The following HS2ST1 variants were observed in gnomAD, a reference collection of about 807,000 sequenced individuals.
The protein encoded by HS2ST1 is 2-O-sulfotransferase.
A neutral mutation model predicts 42.9 loss-of-function variants in HS2ST1; 18 were observed. The observed-to-expected ratio is 0.42, with a 90% CI of 0.29 to 0.62. The LOEUF (loss-of-function observed/expected upper bound fraction) is 0.62. HS2ST1 is among the 20% of genes least tolerant of loss of function. The pLI, the probability that HS2ST1 is intolerant of heterozygous loss-of-function variation, is 0.21. For synonymous variants in HS2ST1, 146 were observed against 152.9 expected (o/e 0.95, Z 0.33); for missense variants, 334 against 433.8 (o/e 0.77, Z 2.04).
At chr1:86,968,853 TA>T (rs1282847162) in intron 1 of HS2ST1, among the ~76,000 whole-genome samples, 16 of 152,346 alleles carry the variant, frequency 1.1e-4, no homozygotes, top group African/African-American at 3.6e-4. Context: ...TTAACTCTGT[TA>T]AAAATGAATG....
At chr1:87,013,528 G>A (rs1649663198) in intron 1 of HS2ST1, among the ~76,000 whole-genome samples, 1 of 152,206 alleles carries the variant, frequency 6.6e-6, no homozygotes, top group Admixed American at 6.5e-5. Flanking sequence ...GTGATGGGAG[G>A]GGCTGCCATG....
At chr1:87,022,665 C>T (rs1433503249) in intron 1 of HS2ST1, among the ~76,000 whole-genome samples, 1 of 152,048 alleles carries the variant, frequency 6.6e-6, no homozygotes, top group Non-Finnish European at 1.5e-5. Context: ...ACCTTTCTTA[C>T]CTATCATATT....
intron 1 of HS2ST1, chr1:87,045,522 A>C (rs1650630821): frequency 2.4e-6 from 2 of 844,842 alleles, no homozygotes; most frequent in Non-Finnish European, 4.2e-6. Context: ...GCTGGCACAT[A>C]TGTAACAATT....
chr1:87,055,382 G>A (rs1427011111), intron 1 of HS2ST1, among the ~76,000 whole-genome samples: 1 of 151,964 alleles, frequency 6.6e-6, no homozygotes, highest in African/African-American at 2.4e-5. Flanking sequence ...TTCCAATTCC[G>A]TCTTCTACTC....
intron 1 of HS2ST1, among the ~76,000 whole-genome samples, chr1:87,005,434 T>C (rs1649409385): frequency 6.6e-6 from 1 of 152,140 alleles, no homozygotes; most frequent in Non-Finnish European, 1.5e-5. Flanking sequence ...TAAATAAAGG[T>C]ATAGCCAGTG....
chr1:87,027,608 C>G (rs1273317527), intron 1 of HS2ST1, among the ~76,000 whole-genome samples: 1 of 152,118 alleles, frequency 6.6e-6, no homozygotes, highest in Non-Finnish European at 1.5e-5. Flanking sequence ...GGTTTGATAA[C>G]TGGTGGGAGT....
At chr1:87,013,238 C>T (rs1172904375) in intron 1 of HS2ST1, among the ~76,000 whole-genome samples, 1 of 152,228 alleles carries the variant, frequency 6.6e-6, no homozygotes, top group Non-Finnish European at 1.5e-5. Flanking sequence ...CTGTAGCACA[C>T]CTCTGCCTGG....
chr1:87,029,807 G>T (rs1431146825), intron 1 of HS2ST1, among the ~76,000 whole-genome samples: 1 of 152,126 alleles, frequency 6.6e-6, no homozygotes, highest in Non-Finnish European at 1.5e-5. Flanking sequence ...AGATGAGGAA[G>T]TCAAAGCTTC....
intron 1 of HS2ST1, among the ~76,000 whole-genome samples, chr1:87,059,345 G>A (rs1408979375): frequency 6.6e-6 from 1 of 152,148 alleles, no homozygotes; most frequent in African/African-American, 2.4e-5. Context: ...AACTTACTCA[G>A]TGTATTTTCC....
intron 1 of HS2ST1, among the ~76,000 whole-genome samples, chr1:86,928,231 G>A (rs1407132): frequency 2.0e-5 from 3 of 151,710 alleles, no homozygotes; most frequent in Non-Finnish European, 4.4e-5. Flanking sequence ...GGACATTATC[G>A]TAAGTTTTCA....
At chr1:87,067,851 C>T (rs1651293513) in intron 1 of HS2ST1, among the ~76,000 whole-genome samples, 1 of 152,130 alleles carries the variant, frequency 6.6e-6, no homozygotes, top group Non-Finnish European at 1.5e-5. Flanking sequence ...TTGTTTTTGT[C>T]AGGTTTGTCA....
At chr1:87,054,836 G>A (rs991481057) in intron 1 of HS2ST1, among the ~76,000 whole-genome samples, 1 of 152,150 alleles carries the variant, frequency 6.6e-6, no homozygotes, top group Non-Finnish European at 1.5e-5. Flanking sequence ...TGCATAAAAG[G>A]CTGTCTGCCA....
chr1:87,084,072 CTG>C, intron 2 of HS2ST1, 120 bp from the exon 3 acceptor site: 1 of 557,166 alleles, frequency 1.8e-6, no homozygotes, highest in Non-Finnish European at 3.1e-6. Flanking sequence ...TAGTCCAAAC[CTG>C]TGTTTCAAGC....
intron 1 of HS2ST1, among the ~76,000 whole-genome samples, chr1:86,917,723 T>G (rs2102149469): frequency 6.6e-6 from 1 of 152,334 alleles, no homozygotes; most frequent in Middle Eastern, 3.4e-3. Flanking sequence ...ACGCTGAGAT[T>G]TAGGTATTTG....
chr1:87,002,520 G>C (rs1649318645), intron 1 of HS2ST1, among the ~76,000 whole-genome samples: 2 of 151,730 alleles, frequency 1.3e-5, no homozygotes, highest in African/African-American at 4.8e-5. Flanking sequence ...ACCCAAGCCT[G>C]GGAGGTTGAG....
At chr1:87,049,580 G>A (rs1650782706) in intron 1 of HS2ST1, among the ~76,000 whole-genome samples, 3 of 151,934 alleles carry the variant, frequency 2.0e-5, no homozygotes, top group Admixed American at 6.6e-5. Flanking sequence ...CATTTCAAAT[G>A]TCTTTTCTGT....
At chr1:86,931,770 A>G (rs1409404596) in intron 1 of HS2ST1, among the ~76,000 whole-genome samples, 1 of 152,074 alleles carries the variant, frequency 6.6e-6, no homozygotes, top group African/African-American at 2.4e-5. Context: ...ACATAATTTA[A>G]CATCATGTTA....
intron 1 of HS2ST1, among the ~76,000 whole-genome samples, chr1:87,002,652 G>A (rs1649324058): frequency 1.3e-5 from 2 of 151,154 alleles, no homozygotes; most frequent in South Asian, 2.1e-4. Context: ...TTAAACCTCT[G>A]TGTCTCATTC....
At chr1:86,989,904 C>G (rs933812006) in intron 1 of HS2ST1, among the ~76,000 whole-genome samples, 2 of 151,760 alleles carry the variant, frequency 1.3e-5, no homozygotes, top group Middle Eastern at 3.4e-3. Context: ...GTGAACTCAT[C>G]CTTTTTATGG....
Sources: allele counts gnomAD v4.1 joint callset (sites outside exome capture counted in the v4.1 genomes callset), GRCh38; gene constraint gnomAD v4.1.1; transcripts MANE v1.5; gene names NCBI Gene and HGNC (gene_info 2026-07-23, HGNC 2026-07-21).